Variants in ATM observed in about 807,000 individuals in gnomAD.
ATM encodes the protein serine-protein kinase ATM.
A neutral mutation model predicts 387.0 loss-of-function variants in ATM; 308 were observed. That is an observed-to-expected ratio of 0.80 (90% confidence interval 0.73 to 0.87). The LOEUF is 0.87. Ranked by LOEUF, ATM falls within the 40% of genes least tolerant of loss-of-function variation. The pLI is 0.00. For synonymous variants in ATM, 1,156 were observed against 1,187.3 expected (o/e 0.97, Z 0.54); for missense variants, 3,312 against 3,560.9 (o/e 0.93, Z 1.78).
Position 108,345,895 on chromosome 11 carries a change from T to C in ATM, c.8571T>C (p.Ala2857=), listed in dbSNP as rs786203050. ...EKRLAYTRSV[A]TSSIVGYILG... is the part of the protein sequence containing the mutation. ...GATTGGCTTATACGCGCAGTGTAGCTACTTCTTCTATTGGTAATCTTCTTG... is the reference window on the plus strand; with the variant it reads ...GATTGGCTTATACGCGCAGTGTAGCCACTTCTTCTATTGGTAATCTTCTTG... The change falls in exon 58 of 63, where the codon GCT becomes GCC. Residue 2857 remains alanine (A), a synonymous_variant. Coordinates refer to ENST00000675843, the MANE Select transcript of ATM (RefSeq NM_000051.4). 1 of 1,613,714 alleles carries C rather than the reference T, an allele frequency of 6.2e-7. No homozygotes were observed. Among genetic ancestry groups the C allele is most frequent in the Non-Finnish European group, 8.5e-7 (1 of 1,179,748 alleles).
rs2082297886 is a variant in ATM at position 108,282,754 on chromosome 11, AGAC to A, written c.3622_3624del (p.Asp1208del). The A allele has an allele frequency of 6.2e-7, 1 of 1,613,270 alleles. No individual in the cohort carries two copies. The highest frequency in any genetic ancestry group is 8.5e-7 in the Non-Finnish European group (1 of 1,179,566). The stretch of plus-strand genomic sequence containing the variant: ...AAACTTTTGGATATAGACGTTTAGA[AGAC>A]TTTATGGCATCTCATTTAGATTATC... On this transcript the variant is annotated inframe_deletion, in exon 25 of 63. Transcript: ENST00000675843.
intron 3 of ATM, 114 bp from the exon 4 acceptor site, chr11:108,229,064 A>G: frequency 3.9e-6 from 4 of 1,024,440 alleles, no homozygotes; most frequent in Admixed American, 2.4e-5. Flanking sequence ...CTGATGTAGT[A>G]ATCTAAGCAA....
intron 5 of ATM, among the ~76,000 whole-genome samples, chr11:108,242,073 C>T (rs2079591102): frequency 6.6e-6 from 1 of 151,612 alleles, no homozygotes; most frequent in African/African-American, 2.4e-5. Context: ...CACTTGAGCC[C>T]AGGAGTCCAA....
At chr11:108,325,672 T>G (rs2085606133) in intron 46 of ATM, 128 bp downstream of exon 46, 9 of 865,410 alleles carry the variant, frequency 1.0e-5, no homozygotes, top group Non-Finnish European at 1.4e-5. Context: ...ATAGTAAAAA[T>G]AATTGTTTAA....
Position 108,267,206 on chromosome 11 carries a change from A to G in ATM, c.2502A>G (p.Glu834=), listed in dbSNP as rs1591587377. 6.2e-7 allele frequency: 1 copy of G among 1,614,194 alleles called. No homozygotes were observed. The highest frequency in any genetic ancestry group is 8.5e-7 in the Non-Finnish European group (1 of 1,180,022). ...TCAAAAAGCCATTTGACCGTGGAGA[A>G]GTAGAATCAATGGAAGATGATACTA... ...SFIKKPFDRG[E]VESMEDDTNG... The change falls in exon 17 of 63, where the codon GAA becomes GAG. Residue 834 remains glutamate (E), a synonymous_variant. Transcript: ENST00000675843.
chr11:108,258,722 G>A (rs552950782), intron 15 of ATM, among the ~76,000 whole-genome samples: 1 of 152,274 alleles, frequency 6.6e-6, no homozygotes, highest in South Asian at 2.1e-4. Flanking sequence ...AAGGAGAAAA[G>A]TAGAATAAAC....
intron 40 of ATM, among the ~76,000 whole-genome samples, chr11:108,314,355 C>T (rs1262065208): frequency 1.3e-5 from 2 of 152,132 alleles, no homozygotes; most frequent in East Asian, 3.8e-4. Context: ...GTCTGCCTGC[C>T]TTGGCTACCC....
intron 13 of ATM, 36 bp from the exon 14 acceptor site, chr11:108,256,179 G>T: frequency 6.7e-7 from 1 of 1,486,142 alleles, no homozygotes; most frequent in South Asian, 1.3e-5. Context: ...AATTATTTAT[G>T]AAATATATAT....
chr11:108,368,936 C>T lies in ATM; in HGVS notation c.*3428C>T, dbSNP rs182082753. 1.0e-5 allele frequency: 2 copies of T among 192,400 alleles called. No homozygotes were observed. The highest frequency in any genetic ancestry group is 1.7e-4 in the East Asian group (2 of 12,056). The allele number at this position is 192,400 out of a possible 1,614,324, so 11.9% of individuals were successfully genotyped here. A position where few individuals can be genotyped will look rare whatever the true frequency, so the allele number is the denominator to read the frequency against. On this transcript the variant is annotated 3_prime_UTR_variant, in exon 63 of 63. Coordinates refer to ENST00000675843, the MANE Select transcript of ATM (RefSeq NM_000051.4). ...TAGAATAGTCTTTTAAAAAGAAAGC[C>T]AGTATATTGGTTTGAAATATAGAGA...
chr11:108,264,249 T>C (rs1279607768), intron 16 of ATM, among the ~76,000 whole-genome samples: 1 of 151,860 alleles, frequency 6.6e-6, no homozygotes, highest in Non-Finnish European at 1.5e-5. Context: ...ACTGGCAAAC[T>C]GAATCCAGCA....
At chr11:108,333,003 A>AAAAACATT in intron 53 of ATM, 103 bp downstream of exon 53, 1 of 1,402,770 alleles carries the variant, frequency 7.1e-7, no homozygotes, top group South Asian at 1.2e-5. Context: ...TAAAATCACA[A>AAAAACATT]ACGTAATCCA....
chr11:108,340,580 C>T (rs1342156959), intron 56 of ATM, among the ~76,000 whole-genome samples: 1 of 152,222 alleles, frequency 6.6e-6, no homozygotes, highest in East Asian at 1.9e-4. Context: ...CCTACTTCTG[C>T]AGTCACATCT....
At chr11:108,309,951 A>G (rs1277635936) in intron 38 of ATM, among the ~76,000 whole-genome samples, 1 of 152,168 alleles carries the variant, frequency 6.6e-6, no homozygotes, top group Admixed American at 6.5e-5. Flanking sequence ...GTTTGAGGGA[A>G]AAAAGAAAAA....
rs1305696123 is a variant in ATM, at chr11:108,293,337, G to A, written c.4636G>A (p.Val1546Met). 4.5e-6 allele frequency: 7 copies of A among 1,567,962 alleles called. No homozygotes were observed. The highest frequency in any genetic ancestry group is 6.1e-6 in the Non-Finnish European group (7 of 1,142,880). ...KQVLDLLKYL[V>M]IDNKDNENLY... The stretch of plus-strand genomic sequence containing the variant: ...GGTATTGGACTTGTTGAAATACTTA[G>A]TGATAGATAACAAGGATAATGAAAA... Residue 1546 changes from valine to methionine, a missense_variant, in exon 31 of 63, where the codon GTG (valine) becomes ATG (methionine). Coordinates refer to ENST00000675843, the MANE Select transcript of ATM (RefSeq NM_000051.4).
rs1060501638 is a variant in ATM, at chr11:108,292,693, C to T, written c.4511C>T (p.Thr1504Ile). ...CCDLLSQVCQ[T>I]AVTYCKDALE... ...GACTTATTAAGTCAGGTTTGCCAGA[C>T]AGCCGTGACTTACTGTAAGGATGCT... Residue 1504 changes from threonine to isoleucine, a missense_variant, in exon 30 of 63, where the codon ACA becomes ATA. This residue lies in a region of ATM where 1,791 missense variants were observed against 1,804.5 expected (regional missense o/e 0.99). Transcript: ENST00000675843. 1 of 1,613,880 alleles carries T rather than the reference C, an allele frequency of 6.2e-7. No homozygotes were observed. Among genetic ancestry groups the T allele is most frequent in the Non-Finnish European group, 8.5e-7 (1 of 1,179,944 alleles).
intron 6 of ATM, among the ~76,000 whole-genome samples, 172 bp downstream of exon 6, chr11:108,244,290 A>G (rs191588467): frequency 6.6e-6 from 1 of 152,326 alleles, no homozygotes; most frequent in Non-Finnish European, 1.5e-5. Context: ...CTGAATATCC[A>G]ATATGCAGAA....
At chr11:108,243,128 G>A (rs1277922202) in intron 5 of ATM, among the ~76,000 whole-genome samples, 1 of 152,032 alleles carries the variant, frequency 6.6e-6, no homozygotes, top group Non-Finnish European at 1.5e-5. Flanking sequence ...TAAGGTGGGA[G>A]GATTACCTGA....
At position 108,368,422 on chromosome 11, in the gene ATM, G is replaced by C. The variant is rs1246135081; in HGVS notation, c.*2914G>C. On this transcript the variant is annotated 3_prime_UTR_variant, in exon 63 of 63. Transcript: ENST00000675843. ...TCATAGAATAGTTGTTGTATGCTAAGTCACTGACCCATATTATGTACAGCA... is the reference window on the plus strand; with the variant it reads ...TCATAGAATAGTTGTTGTATGCTAACTCACTGACCCATATTATGTACAGCA... 3 of 211,242 alleles carry C rather than the reference G, an allele frequency of 1.4e-5. No homozygotes were observed. Among genetic ancestry groups the C allele is most frequent in the African/African-American group, 6.8e-5 (3 of 44,084 alleles). The allele number at this position is 211,242 out of a possible 1,614,324, so 13.1% of individuals were successfully genotyped here.
chr11:108,323,341 G>A (rs916817638), intron 45 of ATM, among the ~76,000 whole-genome samples: 12 of 152,254 alleles, frequency 7.9e-5, no homozygotes, highest in Middle Eastern at 3.4e-3. Context: ...CTGCTGAAAA[G>A]AGTACAGAAT....
Sources: gnomAD v4.1 joint callset for allele counts (sites outside exome capture counted in the v4.1 genomes callset) on GRCh38, gnomAD v4.1.1 for gene constraint, gnomAD v4.1.1 regional missense constraint, MANE v1.5 for transcripts, NCBI Gene and HGNC (gene_info 2026-07-23, HGNC 2026-07-21) for gene names.